Variants in UBXN2B observed in about 807,000 individuals in gnomAD.
The protein encoded by UBXN2B is UBX domain-containing protein 2B.
In UBXN2B, 19 loss-of-function variants were observed where a neutral mutation model predicts 37.5. The observed-to-expected ratio is 0.51, with a 90% confidence interval of 0.35 to 0.74. UBXN2B has a LOEUF of 0.74. Ranked by LOEUF, UBXN2B falls within the 30% of genes least tolerant of loss-of-function variation. The pLI is 0.01. For missense variants in UBXN2B, 370 were observed against 393.2 expected (o/e 0.94, Z 0.50); for synonymous variants, 145 against 143.8 (o/e 1.01, Z -0.06).
At chr8:58,429,021 A>G (rs532323171) in intron 2 of UBXN2B, among the ~76,000 whole-genome samples, 3 of 152,360 alleles carry the variant, frequency 2.0e-5, no homozygotes, top group African/African-American at 7.2e-5. Flanking sequence ...AGAAAATAGA[A>G]TATCTTTATG....
chr8:58,434,970 G>T, intron 5 of UBXN2B: 1 of 1,534,954 alleles, frequency 6.5e-7, no homozygotes, highest in Non-Finnish European at 8.7e-7. Flanking sequence ...GTTATAATTT[G>T]TGAAAGTAAA....
chr8:58,435,029 A>G, intron 5 of UBXN2B: 1 of 1,481,648 alleles, frequency 6.7e-7, no homozygotes, highest in East Asian at 2.5e-5. Context: ...GTAACTTACC[A>G]GCTCTTCTTG....
chr8:58,433,397 C>T (rs901560676), intron 4 of UBXN2B, among the ~76,000 whole-genome samples, 154 bp downstream of exon 4: 15 of 152,066 alleles, frequency 9.9e-5, no homozygotes, highest in African/African-American at 3.1e-4. Flanking sequence ...TTTTCAGTCT[C>T]GATCTTTATG....
At chr8:58,416,979 A>C in intron 2 of UBXN2B, 26 bp downstream of exon 2, 1 of 1,542,418 alleles carries the variant, frequency 6.5e-7, no homozygotes, top group South Asian at 1.2e-5. Flanking sequence ...TTTTGTTGTA[A>C]AAAGAAATTA....
chr8:58,426,807 G>T, intron 2 of UBXN2B: 1 of 593,022 alleles, frequency 1.7e-6, no homozygotes, highest in Non-Finnish European at 3.2e-6. Flanking sequence ...GGAGCCAGCC[G>T]ACTGTGCACA....
At chr8:58,424,924 C>T (rs1456715144) in intron 2 of UBXN2B, 5 of 841,482 alleles carry the variant, frequency 5.9e-6, no homozygotes, top group Non-Finnish European at 1.0e-5. Flanking sequence ...GCAGTCAACA[C>T]CTTTCTCTCT....
At chr8:58,414,142 T>G (rs942137800) in intron 1 of UBXN2B, among the ~76,000 whole-genome samples, 1 of 152,244 alleles carries the variant, frequency 6.6e-6, no homozygotes, top group Non-Finnish European at 1.5e-5. Context: ...TGATAGCTGT[T>G]CTGATAACTG....
intron 5 of UBXN2B, 124 bp downstream of exon 5, chr8:58,434,628 G>T: frequency 1.1e-6 from 1 of 907,478 alleles, no homozygotes; most frequent in Non-Finnish European, 1.6e-6. Flanking sequence ...TAAATAAATG[G>T]TTGCTGGGGG....
At chr8:58,428,443 G>T (rs936576906) in intron 2 of UBXN2B, among the ~76,000 whole-genome samples, 1 of 152,142 alleles carries the variant, frequency 6.6e-6, no homozygotes, top group Non-Finnish European at 1.5e-5. Flanking sequence ...AAAGAAAACT[G>T]TAAAAGACTG....
intron 5 of UBXN2B, chr8:58,435,213 AC>A: frequency 9.0e-7 from 1 of 1,106,016 alleles, no homozygotes; most frequent in Non-Finnish European, 1.2e-6. Context: ...ACTGTATATA[AC>A]CAGAGTTATA....
At chr8:58,443,789 C>T (rs1375353967) in intron 6 of UBXN2B, among the ~76,000 whole-genome samples, 1 of 152,096 alleles carries the variant, frequency 6.6e-6, no homozygotes, top group Non-Finnish European at 1.5e-5. Context: ...GCCTGGGCAA[C>T]AGAGCAACAC....
chr8:58,434,758 A>G, intron 5 of UBXN2B: 2 of 1,498,846 alleles, frequency 1.3e-6, no homozygotes, highest in Non-Finnish European at 1.8e-6. Context: ...TGAAACTATG[A>G]ACCCAGCTCC....
Position 58,448,431 on chromosome 8 carries a change from C to G in UBXN2B, c.*880C>G, listed in dbSNP as rs1308353879. ...TCAGGTGATCCACCCACCTCAGCCT[C>G]CCAAAGTGCTGGGATTACAGGCATG... On this transcript the variant is annotated 3_prime_UTR_variant, in exon 8 of 8. Coordinates refer to ENST00000399598, the MANE Select transcript of UBXN2B (RefSeq NM_001077619.2). The G allele has an allele frequency of 6.6e-6, 1 of 152,250 alleles. No homozygotes were observed. The highest frequency in any genetic ancestry group is 3.1e-3 in the Middle Eastern group (1 of 318). The allele number at this position is 152,250 out of a possible 1,614,324, so 9.4% of individuals were successfully genotyped here.
At chr8:58,431,304 T>A (rs182643783) in intron 3 of UBXN2B, among the ~76,000 whole-genome samples, 1 of 152,344 alleles carries the variant, frequency 6.6e-6, no homozygotes, top group East Asian at 1.9e-4. Flanking sequence ...GAAACTACAG[T>A]GTTATACAAA....
chr8:58,432,376 T>G (rs1028400585), intron 3 of UBXN2B, among the ~76,000 whole-genome samples: 7 of 23,002 alleles, frequency 3.0e-4, no homozygotes, highest in Non-Finnish European at 3.9e-4. Context: ...TCTAAATTTC[T>G]TTTTTTTTTT....
intron 7 of UBXN2B, among the ~76,000 whole-genome samples, chr8:58,446,282 C>T (rs998195833): frequency 6.6e-6 from 1 of 152,000 alleles, no homozygotes; most frequent in Non-Finnish European, 1.5e-5. Context: ...ATAAACTATC[C>T]AAATACTAAT....
Position 58,412,770 on chromosome 8 carries a change from A to G in UBXN2B, c.84+1301A>G, listed in dbSNP as rs1004771818. Among the ~76,000 whole-genome samples the G allele has an allele frequency of 2.0e-5, 3 of 152,210 alleles. No homozygotes were observed. The East Asian group carries it at 5.8e-4, about 29-fold the overall frequency. On this transcript the variant is annotated intron_variant, in intron 1 of 7. Coordinates refer to ENST00000399598, the MANE Select transcript of UBXN2B (RefSeq NM_001077619.2). The stretch of plus-strand genomic sequence containing the variant: ...TTAACCTGTCTGATCCTGTGTCTTC[A>G]TTTGTAAACTGAGGAAGGTCAGGGT...
intron 2 of UBXN2B, chr8:58,426,174 G>T: frequency 2.9e-6 from 2 of 689,632 alleles, no homozygotes; most frequent in Non-Finnish European, 5.4e-6. Context: ...CCTCCACACA[G>T]ATCACAGTAA....
intron 2 of UBXN2B, among the ~76,000 whole-genome samples, chr8:58,420,644 T>A (rs1807902531): frequency 6.6e-6 from 1 of 152,182 alleles, no homozygotes; most frequent in South Asian, 2.1e-4. Context: ...AGAATTACAA[T>A]TAGGTCACAA....
Sources: gnomAD v4.1 joint callset for allele counts (sites outside exome capture counted in the v4.1 genomes callset) on GRCh38, gnomAD v4.1.1 for gene constraint, MANE v1.5 for transcripts, NCBI Gene and HGNC (gene_info 2026-07-23, HGNC 2026-07-21) for gene names.